Variants in ZNF721 observed in about 807,000 individuals in gnomAD.
ZNF721 encodes the protein zinc finger protein 721.
A neutral mutation model predicts 2.4 loss-of-function variants in ZNF721; 2 were observed. The ratio of observed to expected loss-of-function variants is 0.82; its 90% CI spans 0.34 to 2.58. ZNF721 has a LOEUF of 2.58. ZNF721 is among the 30% of genes most tolerant of loss of function. ZNF721 has a pLI of 0.11. For synonymous variants in ZNF721, 398 were observed against 381.8 expected, an observed-to-expected ratio of 1.04 and a Z score of -0.50; for missense variants, 1,187 against 1,085.5, an observed-to-expected ratio of 1.09 and a Z score of -1.31.
intron 2 of ZNF721, among the ~76,000 whole-genome samples, chr4:463,340 C>T (rs1446185729): frequency 2.0e-5 from 3 of 152,300 alleles, no homozygotes; most frequent in Admixed American, 1.3e-4. Context: ...TTGTGGAAGA[C>T]AGTGTGGCGA....
At chr4:467,874 C>T (rs569819257) in intron 2 of ZNF721, among the ~76,000 whole-genome samples, 15 of 152,306 alleles carry the variant, frequency 9.8e-5, no homozygotes, top group African/African-American at 3.4e-4. Context: ...CGGTGGCTCA[C>T]GCCTGTAAGC....
At chr4:498,721 A>G (rs1716455658) in intron 1 of ZNF721, among the ~76,000 whole-genome samples, 1 of 131,698 alleles carries the variant, frequency 7.6e-6, no homozygotes, top group Admixed American at 7.5e-5. Context: ...ATTGGGTTGA[A>G]TTTTCTTTTT....
At chr4:451,268 T>G (rs1184653992) in intron 2 of ZNF721, among the ~76,000 whole-genome samples, 1 of 152,148 alleles carries the variant, frequency 6.6e-6, no homozygotes, top group African/African-American at 2.4e-5. Context: ...GTGAGCCCCT[T>G]GACGTCTTCA....
At chr4:468,657 A>G (rs782798724) in intron 2 of ZNF721, among the ~76,000 whole-genome samples, 16 of 152,136 alleles carry the variant, frequency 1.1e-4, no homozygotes, top group Non-Finnish European at 1.9e-4. Flanking sequence ...CACACAGCAG[A>G]CCCAGCAGCA....
intron 2 of ZNF721, among the ~76,000 whole-genome samples, chr4:467,034 C>T (rs1161184941): frequency 1.3e-5 from 2 of 151,878 alleles, no homozygotes; most frequent in African/African-American, 2.4e-5. Context: ...CTGGCTAACA[C>T]GGTGAAACCC....
chr4:460,627 C>T (rs1435977500), intron 2 of ZNF721, among the ~76,000 whole-genome samples: 1 of 101,386 alleles, frequency 9.9e-6, no homozygotes, highest in African/African-American at 3.6e-5. Context: ...AAGACCCTTT[C>T]AAAAAAAAAA....
chr4:443,984 T>C lies in ZNF721; in HGVS notation c.483A>G (p.Gly161=). ...ATTCTTCACATTTGTAAGGTTTCTC[T>C]CCAGTATGAATTTTCTTGTGTTGAT... ...DLNQHKKIHT[G]EKPYKCEECG... is the part of the protein sequence containing the mutation. The change falls in exon 3 of 3, where the codon GGA becomes GGG. Residue 161 remains glycine, a synonymous_variant. Transcript: ENST00000511833. 1 of 1,614,140 alleles carries C rather than the reference T, an allele frequency of 6.2e-7. No homozygotes were observed. The highest frequency in any genetic ancestry group is 2.2e-5 in the East Asian group (1 of 44,870).
intron 2 of ZNF721, among the ~76,000 whole-genome samples, chr4:462,636 AAAAC>A (rs1362017348): frequency 2.6e-5 from 4 of 152,190 alleles, no homozygotes; most frequent in African/African-American, 9.6e-5. Context: ...AAACCTGACA[AAAAC>A]AAGCAACAGG....
At chr4:446,270 A>T (rs1292622533) in intron 2 of ZNF721, among the ~76,000 whole-genome samples, 1 of 152,264 alleles carries the variant, frequency 6.6e-6, no homozygotes, top group Non-Finnish European at 1.5e-5. Context: ...TAAAGTTAAA[A>T]GCATAAAAAT....
intron 2 of ZNF721, among the ~76,000 whole-genome samples, chr4:447,359 T>C (rs1476322661): frequency 2.0e-5 from 3 of 151,722 alleles, no homozygotes; most frequent in Non-Finnish European, 4.4e-5. Context: ...AAAAAATATA[T>C]TATTTTAAGA....
At position 441,148 on chromosome 4, in the gene ZNF721, C is replaced by T. The variant is rs1442581560; in HGVS notation, c.*547G>A. 1.3e-5 allele frequency: 2 copies of T among 152,508 alleles called. No homozygotes were observed. The highest frequency in any genetic ancestry group is 3.8e-4 in the East Asian group (2 of 5,202). 9.4% of individuals were successfully genotyped at this position (152,508 alleles called of 1,614,324 possible). ...ATACAAGTACAGGTACTAGAGCCCT[C>T]TTTATCTTTGTATTCTCTGTCTTAA... is the stretch of plus-strand genomic sequence containing the variant. On this transcript the variant is annotated 3_prime_UTR_variant, in exon 3 of 3. Coordinates refer to ENST00000511833, the MANE Select transcript of ZNF721 (RefSeq NM_133474.4).
intron 1 of ZNF721, among the ~76,000 whole-genome samples, chr4:492,173 AAAC>A (rs1553871575): frequency 2.8e-5 from 4 of 140,844 alleles, no homozygotes; most frequent in South Asian, 2.2e-4. Flanking sequence ...AAAAAAAAAA[AAAC>A]AAACAAACAA....
chr4:474,095 T>C (rs148479974), intron 1 of ZNF721: 196 of 1,332,644 alleles, frequency 1.5e-4, no homozygotes, highest in Non-Finnish European at 1.8e-4. Flanking sequence ...CTCCCTGAGG[T>C]GTGGAAGCAG....
chr4:443,551 T>A lies in ZNF721; in HGVS notation c.916A>T (p.Thr306Ser), dbSNP rs782324040. 1.2e-6 allele frequency: 2 copies of A among 1,614,058 alleles called. No individual in the cohort carries two copies. Among genetic ancestry groups the A allele is most frequent in the South Asian group, 2.2e-5 (2 of 91,080 alleles). Residue 306 changes from threonine to serine, a missense_variant, in exon 3 of 3, where the codon ACA becomes TCA. Coordinates refer to ENST00000511833, the MANE Select transcript of ZNF721 (RefSeq NM_133474.4). The part of the protein sequence containing the change: ...RRIHTGEKPY[T>S]CEVCGKAFRQ... ...AAGGCTTTGCCACATACTTCACATG[T>A]GTAGGGTTTCTCTCCAGTATGAATT...
Position 448,353 on chromosome 4 carries a change from G to A in ZNF721, c.35-3921C>T, listed in dbSNP as rs117306538. Among the ~76,000 whole-genome samples the A allele has an allele frequency of 1.8e-3, 272 of 151,596 alleles. 2 individuals are homozygous for A. Among genetic ancestry groups the A allele is most frequent in the East Asian group, 3.3e-3 (17 of 5,154 alleles). The stretch of plus-strand genomic sequence containing the variant: ...GGACAGGCTGAGGGAGGAGAATGGC[G>A]TGAATCTGGGAGGCGGAGCTTGCAG... On this transcript the variant is annotated intron_variant, in intron 2 of 2. Coordinates refer to ENST00000511833, the MANE Select transcript of ZNF721 (RefSeq NM_133474.4).
chr4:485,734 G>C (rs1288404983), intron 1 of ZNF721, among the ~76,000 whole-genome samples: 1 of 152,168 alleles, frequency 6.6e-6, no homozygotes, highest in Non-Finnish European at 1.5e-5. Flanking sequence ...CCAGCACTTT[G>C]GGAGGCCGAG....
At chr4:452,803 G>T (rs112025403) in intron 2 of ZNF721, among the ~76,000 whole-genome samples, 2,258 of 152,234 alleles carry the variant, frequency 0.015, 60 homozygotes, top group African/African-American at 0.05. Flanking sequence ...CAACCATGAG[G>T]TCTTTATGAG....
chr4:445,105 C>T (rs1714430276), intron 2 of ZNF721, among the ~76,000 whole-genome samples: 1 of 151,584 alleles, frequency 6.6e-6, no homozygotes. Flanking sequence ...CTGCCTCAGC[C>T]TCCCCAATAG....
chr4:466,676 A>G (rs1431502443), intron 2 of ZNF721, among the ~76,000 whole-genome samples: 1 of 152,196 alleles, frequency 6.6e-6, no homozygotes, highest in Non-Finnish European at 1.5e-5. Flanking sequence ...TCAAAAAAAC[A>G]AAGAAAGAAA....
Sources: allele counts gnomAD v4.1 joint callset (sites outside exome capture counted in the v4.1 genomes callset), GRCh38; gene constraint gnomAD v4.1.1; transcripts MANE v1.5; gene names NCBI Gene and HGNC (gene_info 2026-07-23, HGNC 2026-07-21).